The following DZIP1 variants were observed in gnomAD, a reference collection of about 807,000 sequenced individuals.
The protein encoded by DZIP1 is cilium assembly protein DZIP1.
In DZIP1, 97 loss-of-function variants were observed where a neutral mutation model predicts 107.6. The ratio of observed to expected loss-of-function variants is 0.90; its 90% CI spans 0.77 to 1.07. The LOEUF is 1.07. Among genes scored for constraint, DZIP1 ranks in the 50% least tolerant of loss-of-function variants. DZIP1 has a pLI of 0.00. For synonymous variants in DZIP1, 390 were observed against 386.4 expected, an observed-to-expected ratio of 1.01 and a Z score of -0.11; for missense variants, 1,035 against 1,063.6, an observed-to-expected ratio of 0.97 and a Z score of 0.37.
intron 20 of DZIP1, among the ~76,000 whole-genome samples, chr13:95,587,041 T>C (rs1566359569): frequency 6.6e-6 from 1 of 152,208 alleles, no homozygotes; most frequent in Non-Finnish European, 1.5e-5. Context: ...GCACAGTCTT[T>C]GCAAAGGAAA....
chr13:95,593,901 A>G (rs2044375015), intron 16 of DZIP1, 43 bp downstream of exon 16: 1 of 1,570,128 alleles, frequency 6.4e-7, no homozygotes, highest in Non-Finnish European at 8.6e-7. Flanking sequence ...AGAAAACAAA[A>G]CACAGCAAAA....
intron 14 of DZIP1, among the ~76,000 whole-genome samples, chr13:95,603,680 A>T (rs970147361): frequency 5.3e-5 from 8 of 152,158 alleles, no homozygotes; most frequent in African/African-American, 1.9e-4. Flanking sequence ...AATACTACAA[A>T]AATTTATTTG....
intron 14 of DZIP1, among the ~76,000 whole-genome samples, chr13:95,605,072 G>GA (rs1186908051): frequency 6.6e-6 from 1 of 151,970 alleles, no homozygotes; most frequent in Non-Finnish European, 1.5e-5. Context: ...TGATCTTCGG[G>GA]AAAAAAATAA....
At chr13:95,630,872 G>A in intron 6 of DZIP1, 1 of 529,778 alleles carries the variant, frequency 1.9e-6, no homozygotes, top group East Asian at 7.1e-5. Flanking sequence ...GTATGAGTTA[G>A]AATAAGATAC....
chr13:95,622,518 C>T (rs1221580327), intron 8 of DZIP1, 38 bp from the exon 9 acceptor site: 2 of 1,612,008 alleles, frequency 1.2e-6, no homozygotes, highest in Non-Finnish European at 1.7e-6. Flanking sequence ...TACAGTTAGA[C>T]TTTCATAAGA....
At chr13:95,636,399 CAG>C in intron 5 of DZIP1, among the ~76,000 whole-genome samples, 1 of 151,752 alleles carries the variant, frequency 6.6e-6, no homozygotes, top group African/African-American at 2.4e-5. Flanking sequence ...AAAAATTAGC[CAG>C]ATGTGGTAGC....
chr13:95,614,949 T>A (rs1025612490), intron 10 of DZIP1, among the ~76,000 whole-genome samples: 1 of 152,130 alleles, frequency 6.6e-6, no homozygotes, highest in African/African-American at 2.4e-5. Context: ...GCACCAATCA[T>A]GTGGAATAAT....
intron 10 of DZIP1, among the ~76,000 whole-genome samples, chr13:95,618,924 GT>G (rs1221107844): frequency 6.6e-6 from 1 of 152,196 alleles, no homozygotes; most frequent in East Asian, 1.9e-4. Flanking sequence ...TACTTTAGAT[GT>G]TTTGCACTAG....
Position 95,584,903 on chromosome 13 carries a change from T to C in DZIP1, c.2357A>G (p.Asp786Gly), listed in dbSNP as rs1483980783. Reference protein sequence around the residue: ...KEELQELKCADVEDEDWDISS... With the variant: ...KEELQELKCAGVEDEDWDISS... ...TATGTCCCAGTCTTCATCCTCCACA[T>C]CCGCACACTAAAAGAAAGGCATGGA... is the stretch of plus-strand genomic sequence containing the variant. Residue 786 changes from aspartate to glycine, a missense_variant, in exon 22 of 23, where the codon GAT becomes GGT. Coordinates refer to ENST00000376829, the MANE Select transcript of DZIP1 (RefSeq NM_198968.4). 8 of 1,609,582 alleles carry C rather than the reference T, an allele frequency of 5.0e-6. No individual in the cohort carries two copies. Among genetic ancestry groups the C allele is most frequent in the Admixed American group, 3.4e-5 (2 of 59,028 alleles).
intron 5 of DZIP1, among the ~76,000 whole-genome samples, chr13:95,640,337 G>A (rs1370666894): frequency 1.3e-5 from 2 of 152,018 alleles, no homozygotes; most frequent in African/African-American, 4.8e-5. Flanking sequence ...ACTCCTGCTG[G>A]GTCAGTCCTG....
intron 9 of DZIP1, 107 bp downstream of exon 9, chr13:95,622,236 G>T: frequency 2.8e-6 from 4 of 1,412,654 alleles, no homozygotes; most frequent in African/African-American, 1.4e-5. Context: ...TCACCTTCAG[G>T]GTTACTAAAA....
intron 14 of DZIP1, among the ~76,000 whole-genome samples, chr13:95,601,790 G>A (rs976691986): frequency 3.3e-5 from 5 of 152,074 alleles, no homozygotes; most frequent in East Asian, 1.9e-4. Context: ...AAATGCCACC[G>A]CTGTCCACCC....
At chr13:95,607,931 A>C (rs1594683849) in intron 13 of DZIP1, among the ~76,000 whole-genome samples, 1 of 152,238 alleles carries the variant, frequency 6.6e-6, no homozygotes, top group South Asian at 2.1e-4. Flanking sequence ...TCTTCATTTT[A>C]CTGGCTATAG....
At chr13:95,609,037 TG>T (rs1384415853) in intron 13 of DZIP1, among the ~76,000 whole-genome samples, 1 of 152,364 alleles carries the variant, frequency 6.6e-6, no homozygotes, top group East Asian at 1.9e-4. Flanking sequence ...ATAGAGCAGA[TG>T]GCCAGGCTGA....
chr13:95,585,893 C>A lies in DZIP1; in HGVS notation c.2349+113G>T. 3.7e-6 allele frequency: 4 copies of A among 1,095,698 alleles called. No individual in the cohort carries two copies. The South Asian group carries it at 5.5e-5, about 15-fold the overall frequency. The allele number at this position is 1,095,698 out of a possible 1,614,324, so 67.9% of individuals were successfully genotyped here. A position where few individuals can be genotyped will look rare whatever the true frequency, so the allele number is the denominator to read the frequency against. On this transcript the variant is annotated intron_variant, in intron 21 of 22. Transcript: ENST00000376829. The stretch of plus-strand genomic sequence containing the variant: ...AGAACAAGAAAGGTGAAAATCTCAA[C>A]CTCTACTCTACCAGCTAACTATCTG...
Position 95,628,111 on chromosome 13 carries a change from C to T in DZIP1, c.810+1878G>A, listed in dbSNP as rs112803935. Reference sequence around the variant, plus strand: ...ATGGGGTGCAGCGGTGTGAACACAGCTCACTGCAGCCTTGACCTCCTGGAC... The same window carrying T: ...ATGGGGTGCAGCGGTGTGAACACAGTTCACTGCAGCCTTGACCTCCTGGAC... On this transcript the variant is annotated intron_variant, in intron 7 of 22. Transcript: ENST00000376829. Among the ~76,000 whole-genome samples, 702 of 152,150 alleles carry T rather than the reference C, an allele frequency of 4.6e-3. 6 individuals are homozygous for T. Among genetic ancestry groups the T allele is most frequent in the African/African-American group, 0.016 (672 of 41,502 alleles).
intron 5 of DZIP1, among the ~76,000 whole-genome samples, chr13:95,639,339 C>T (rs1216237882): frequency 1.3e-5 from 2 of 151,910 alleles, no homozygotes; most frequent in Admixed American, 1.3e-4. Context: ...GTCTGTAATC[C>T]CAGCATTTTG....
chr13:95,608,407 T>C (rs1356622001), intron 13 of DZIP1, among the ~76,000 whole-genome samples: 1 of 151,324 alleles, frequency 6.6e-6, no homozygotes, highest in East Asian at 1.9e-4. Context: ...TTTTGCATAC[T>C]CCATTTGGAG....
At chr13:95,584,556 T>C in intron 22 of DZIP1, 180 bp downstream of exon 22, 1 of 1,160,812 alleles carries the variant, frequency 8.6e-7, no homozygotes, top group Non-Finnish European at 1.1e-6. Context: ...AAATAACAAG[T>C]AAATATATAT....
Sources: gnomAD v4.1 joint callset for allele counts (sites outside exome capture counted in the v4.1 genomes callset) on GRCh38, gnomAD v4.1.1 for gene constraint, MANE v1.5 for transcripts, NCBI Gene and HGNC (gene_info 2026-07-23, HGNC 2026-07-21) for gene names.